The following ENTREP2 variants were observed in gnomAD, a reference collection of about 807,000 sequenced individuals.
ENTREP2 encodes protein ENTREP2.
chr15:29,184,919 C>T, the ENTREP2 span, among the ~76,000 whole-genome samples: 7 of 151,796 alleles, frequency 4.6e-5, no homozygotes, highest in Admixed American at 6.6e-5. Context: ...CAGTATTGAA[C>T]GGTATGAGAC....
the ENTREP2 span, among the ~76,000 whole-genome samples, chr15:29,371,688 A>G: frequency 2.6e-5 from 4 of 152,344 alleles, no homozygotes; most frequent in South Asian, 2.1e-4. Flanking sequence ...AGAAAATAAC[A>G]TAACTGTCTG....
chr15:29,657,219 T>C, the ENTREP2 span, among the ~76,000 whole-genome samples: 1 of 151,538 alleles, frequency 6.6e-6, no homozygotes, highest in Non-Finnish European at 1.5e-5. Context: ...CGCCAGCTTT[T>C]TTTTTTTCTT....
the ENTREP2 span, among the ~76,000 whole-genome samples, chr15:29,339,062 G>A: frequency 6.6e-6 from 1 of 152,198 alleles, no homozygotes; most frequent in Non-Finnish European, 1.5e-5. Context: ...ACAGGAAGGT[G>A]CTGACTCCTG....
the ENTREP2 span, among the ~76,000 whole-genome samples, chr15:29,298,783 C>T: frequency 0.11 from 16,504 of 152,046 alleles, 976 homozygotes; most frequent in Middle Eastern, 0.16. Context: ...ATTCTAATGA[C>T]CATTTAAGGA....
chr15:29,126,650 G>A, the ENTREP2 span, among the ~76,000 whole-genome samples: 1 of 152,250 alleles, frequency 6.6e-6, no homozygotes, highest in Non-Finnish European at 1.5e-5. Flanking sequence ...GCTGTTGAAA[G>A]TTGGGGGCAC....
chr15:29,667,222 C>G, the ENTREP2 span, among the ~76,000 whole-genome samples: 1 of 151,122 alleles, frequency 6.6e-6, no homozygotes, highest in South Asian at 2.1e-4. Context: ...GAGTCTCACT[C>G]CGTCTCCCAG....
the ENTREP2 span, among the ~76,000 whole-genome samples, chr15:29,191,822 G>C: frequency 6.6e-6 from 1 of 152,188 alleles, no homozygotes; most frequent in Non-Finnish European, 1.5e-5. Flanking sequence ...GCTAAGGTGG[G>C]AGGATCTCTT....
chr15:29,453,830 G>C, the ENTREP2 span, among the ~76,000 whole-genome samples: 65,788 of 151,952 alleles, frequency 0.43, 15,949 homozygotes, highest in East Asian at 0.53. Flanking sequence ...AATATTCTTT[G>C]AAAGCACGGT....
chr15:29,439,941 G>A, the ENTREP2 span, among the ~76,000 whole-genome samples: 1 of 152,136 alleles, frequency 6.6e-6, no homozygotes, highest in Non-Finnish European at 1.5e-5. Flanking sequence ...ATGATGTGAT[G>A]AGGGGGGTAC....
the ENTREP2 span, among the ~76,000 whole-genome samples, chr15:29,231,256 T>G: frequency 2.2e-4 from 34 of 152,254 alleles, no homozygotes; most frequent in African/African-American, 7.7e-4. Flanking sequence ...AGCCACTCAG[T>G]ACTAACCTCT....
At chr15:29,462,184 CTATT>C in the ENTREP2 span, among the ~76,000 whole-genome samples, 1 of 152,162 alleles carries the variant, frequency 6.6e-6, no homozygotes, top group Non-Finnish European at 1.5e-5. Context: ...CATGTTTTAG[CTATT>C]GTGAATCATG....
the ENTREP2 span, among the ~76,000 whole-genome samples, chr15:29,380,614 G>A: frequency 6.6e-6 from 1 of 151,968 alleles, no homozygotes; most frequent in Non-Finnish European, 1.5e-5. Context: ...TTTTTCCGAG[G>A]GAAAAACCAT....
At chr15:29,446,603 A>AG in the ENTREP2 span, among the ~76,000 whole-genome samples, 69 of 152,302 alleles carry the variant, frequency 4.5e-4, no homozygotes, top group South Asian at 0.014. Context: ...CTTTTTCTTG[A>AG]TATACGTGTA....
chr15:29,214,431 C>T, the ENTREP2 span, among the ~76,000 whole-genome samples: 16 of 152,168 alleles, frequency 1.1e-4, no homozygotes, highest in South Asian at 2.1e-4. Flanking sequence ...AGCAAACTAT[C>T]GCAAGGACAA....
the ENTREP2 span, among the ~76,000 whole-genome samples, chr15:29,200,621 T>C: frequency 6.6e-6 from 1 of 152,086 alleles, no homozygotes; most frequent in Non-Finnish European, 1.5e-5. Flanking sequence ...TGCAATTGCG[T>C]GATCTCACCT....
At chr15:29,503,973 T>C in the ENTREP2 span, among the ~76,000 whole-genome samples, 2 of 151,992 alleles carry the variant, frequency 1.3e-5, no homozygotes, top group Admixed American at 6.6e-5. Flanking sequence ...ACTTGAATCC[T>C]CCACTGGAGA....
At chr15:29,571,742 C>G in the ENTREP2 span, among the ~76,000 whole-genome samples, 1 of 152,236 alleles carries the variant, frequency 6.6e-6, no homozygotes, top group Non-Finnish European at 1.5e-5. Context: ...TATCTAAGTA[C>G]TGGCTCCCTT....
At chr15:29,616,352 T>C in the ENTREP2 span, among the ~76,000 whole-genome samples, 1 of 152,080 alleles carries the variant, frequency 6.6e-6, no homozygotes, top group Non-Finnish European at 1.5e-5. Context: ...CTGACACCAC[T>C]TGAAGGGGCT....
the ENTREP2 span, among the ~76,000 whole-genome samples, chr15:29,134,641 G>T: frequency 2.6e-5 from 4 of 152,210 alleles, no homozygotes; most frequent in African/African-American, 9.7e-5. Context: ...CCTGTCCTAA[G>T]ACCACCCTGC....
Sources: allele counts gnomAD v4.1 joint callset (sites outside exome capture counted in the v4.1 genomes callset), GRCh38; gene constraint gnomAD v4.1.1; transcripts MANE v1.5; gene names NCBI Gene and HGNC (gene_info 2026-07-23, HGNC 2026-07-21).